ZC3H12D: variants seen among roughly 807,000 people sequenced by gnomAD.
ZC3H12D encodes zinc finger CCCH-type containing 12D, also known as probable ribonuclease ZC3H12D.
ZC3H12D carries 11 observed loss-of-function variants against 24.2 expected under a neutral mutation model. The ratio of observed to expected loss-of-function variants is 0.46; its 90% CI spans 0.29 to 0.75. The LOEUF (loss-of-function observed/expected upper bound fraction) is 0.75. ZC3H12D is among the 30% of genes least tolerant of loss of function. The probability of loss-of-function intolerance (pLI) is 0.11; values close to 1 mark genes in which losing one functional copy is unlikely to be tolerated. For synonymous variants in ZC3H12D, 333 were observed against 341.8 expected (o/e 0.97, Z 0.28); for missense variants, 740 against 767.7 (o/e 0.96, Z 0.43).
chr6:149,452,643 C>T lies in ZC3H12D; in HGVS notation c.760G>A (p.Glu254Lys). The change falls in exon 5 of 6, where the codon GAG (glutamate) becomes AAG (lysine). Residue 254 changes from glutamate to lysine, a missense_variant. Glu to Lys is a moderately conservative substitution (Grantham distance 56). Transcript: ENST00000409806. This position sits in a 1 kb window ranked among gnomAD's most constrained non-coding sequence, Gnocchi z 4.0. Reference sequence around the variant, plus strand: ...TAAGGACAATGCTGCCAGGATGGCTCTGGGGGCTTCGGCTTCCTGCTCAGG... The same window carrying T: ...TAAGGACAATGCTGCCAGGATGGCTTTGGGGGCTTCGGCTTCCTGCTCAGG... ...NFLSRKPKPPEPSWQHCPYGK... is the reference protein window; with the variant it reads ...NFLSRKPKPPKPSWQHCPYGK... 6.2e-7 allele frequency: 1 copy of T among 1,601,964 alleles called. No homozygotes were observed. Among genetic ancestry groups the T allele is most frequent in the Non-Finnish European group, 8.5e-7 (1 of 1,174,776 alleles).
chr6:149,474,698 G>A (rs1294937685), intron 1 of ZC3H12D, 85 bp from the exon 2 acceptor site: 8 of 605,682 alleles, frequency 1.3e-5, no homozygotes, highest in South Asian at 6.1e-5. Flanking sequence ...GCTCCCTCCC[G>A]GCCTAGCTGT....
chr6:149,457,845 A>G (rs1776008393), intron 3 of ZC3H12D, among the ~76,000 whole-genome samples: 1 of 152,150 alleles, frequency 6.6e-6, no homozygotes. Context: ...CCTTTCCCAT[A>G]TGACACTGTT....
chr6:149,466,234 C>G (rs1218278023), intron 2 of ZC3H12D, among the ~76,000 whole-genome samples: 2 of 151,900 alleles, frequency 1.3e-5, no homozygotes, highest in Non-Finnish European at 2.9e-5. Flanking sequence ...GCCCCAGACC[C>G]CTTTTCCGGC....
rs962126360 is a variant in ZC3H12D at position 149,456,413 on chromosome 6, C to T, written c.680+253G>A. ...TAGTGGTGCCCTAAACACATGCTTG[C>T]ATGCTTGGCCCACCTCTTGGGCTTC... is the stretch of plus-strand genomic sequence containing the variant. On this transcript the variant is annotated intron_variant, in intron 4 of 5. Coordinates refer to ENST00000409806, the MANE Select transcript of ZC3H12D (RefSeq NM_207360.3). The surrounding 1 kb of genome is among the most constrained non-coding windows in gnomAD (Gnocchi z 4.3). Among the ~76,000 whole-genome samples, 42 of 152,136 alleles carry T rather than the reference C, an allele frequency of 2.8e-4. No homozygotes were observed. Among genetic ancestry groups the T allele is most frequent in the South Asian group, 2.1e-4 (1 of 4,802 alleles).
At chr6:149,464,939 G>A (rs1167071592) in intron 2 of ZC3H12D, among the ~76,000 whole-genome samples, 1 of 152,206 alleles carries the variant, frequency 6.6e-6, no homozygotes, top group African/African-American at 2.4e-5. Flanking sequence ...GCCTTCTCCC[G>A]AGAAGCCTGG....
chr6:149,451,056 G>A lies in ZC3H12D; in HGVS notation c.1211C>T (p.Pro404Leu). The A allele has an allele frequency of 7.1e-7, 1 of 1,408,790 alleles. No individual in the cohort carries two copies. Among genetic ancestry groups the A allele is most frequent in the African/African-American group, 1.5e-5 (1 of 66,548 alleles). The allele number at this position is 1,408,790 out of a possible 1,614,324, so 87.3% of individuals were successfully genotyped here. Residue 404 changes from proline to leucine, a missense_variant, in exon 6 of 6, where the codon CCG becomes CTG. Pro to Leu is a moderately conservative substitution (Grantham distance 98, BLOSUM62 -3). Transcript: ENST00000409806. ...CTGGAGCTGCAGGCCGGGCGGAGGC[G>A]GGAGGTCGCCCGGGGAGAACTGGCT... ...PESQFSPGDLPPPPGLQLQPR... is the reference protein window; with the variant it reads ...PESQFSPGDLLPPPGLQLQPR...
chr6:149,474,758 T>C (rs1776305098), intron 1 of ZC3H12D, 145 bp from the exon 2 acceptor site: 2 of 428,208 alleles, frequency 4.7e-6, no homozygotes, highest in Admixed American at 3.9e-5. Context: ...AGTTGCTCAA[T>C]GTGGCTGTGG....
In ZC3H12D at chr6:149,474,564, G is replaced by A. The variant is rs534484672; in HGVS notation, c.-21C>T. 6.8e-7 allele frequency: 1 copy of A among 1,461,710 alleles called. No individual in the cohort carries two copies. 90.5% of individuals were successfully genotyped at this position (1,461,710 alleles called of 1,614,324 possible). ...TCCATGCTGTGCCCAGCGGCCACTG[G>A]CGCAGGTCCTGCCCCAGGCTTCCTC... On this transcript the variant is annotated 5_prime_UTR_variant, in exon 2 of 6. Coordinates refer to ENST00000409806, the MANE Select transcript of ZC3H12D (RefSeq NM_207360.3).
intron 3 of ZC3H12D, among the ~76,000 whole-genome samples, chr6:149,460,927 C>G (rs1214012128): frequency 3.3e-5 from 5 of 151,974 alleles, no homozygotes; most frequent in Non-Finnish European, 5.9e-5. Context: ...TCTCCTGAGC[C>G]AGGGGAGAGC....
At chr6:149,462,264 C>A (rs1776086101) in intron 2 of ZC3H12D, among the ~76,000 whole-genome samples, 1 of 152,156 alleles carries the variant, frequency 6.6e-6, no homozygotes, top group African/African-American at 2.4e-5. Context: ...ATCCCAGCTA[C>A]TCTGGAGGCT....
intron 1 of ZC3H12D, among the ~76,000 whole-genome samples, chr6:149,477,986 G>C (rs1022627096): frequency 1.3e-5 from 2 of 151,858 alleles, no homozygotes; most frequent in African/African-American, 4.8e-5. Context: ...GGCCAATATA[G>C]AGAAAACCCC....
chr6:149,470,072 T>C (rs1013616686), intron 2 of ZC3H12D, among the ~76,000 whole-genome samples: 1 of 152,016 alleles, frequency 6.6e-6, no homozygotes, highest in African/African-American at 2.4e-5. Context: ...ACGAGAAAAA[T>C]GTATTGACCA....
In ZC3H12D at chr6:149,451,369, C is replaced by T; in HGVS notation, c.898G>A (p.Gly300Ser). ...ELRAKTGARP[G>S]AGAEEQRPPR... ...GGCCGCTGCTCCTCGGCGCCCGCGCCAGGCCGGGCCCCTGTCTTGGCGCGG... is the reference window on the plus strand; with the variant it reads ...GGCCGCTGCTCCTCGGCGCCCGCGCTAGGCCGGGCCCCTGTCTTGGCGCGG... Residue 300 changes from glycine to serine, a missense_variant, in exon 6 of 6, where the codon GGC (glycine) becomes AGC (serine). Coordinates refer to ENST00000409806, the MANE Select transcript of ZC3H12D (RefSeq NM_207360.3). 2.6e-6 allele frequency: 4 copies of T among 1,531,036 alleles called. No individual in the cohort carries two copies. The highest frequency in any genetic ancestry group is 3.5e-6 in the Non-Finnish European group (4 of 1,152,116). The allele number at this position is 1,531,036 out of a possible 1,614,324, so 94.8% of individuals were successfully genotyped here.
At chr6:149,461,751 A>C in intron 3 of ZC3H12D, 80 bp downstream of exon 3, 4 of 1,401,456 alleles carry the variant, frequency 2.9e-6, no homozygotes, top group Non-Finnish European at 3.9e-6. Context: ...ACAACTAAGT[A>C]GATATTTGAC....
chr6:149,470,879 A>T (rs900332819), intron 2 of ZC3H12D, among the ~76,000 whole-genome samples: 1 of 152,254 alleles, frequency 6.6e-6, no homozygotes, highest in Non-Finnish European at 1.5e-5. Flanking sequence ...CTGTGGGGAC[A>T]GGGCAGGGGT....
In ZC3H12D at chr6:149,481,690, AT is replaced by A. The variant is rs979938224; in HGVS notation, c.-71+3122del. 4.0e-4 allele frequency among the ~76,000 whole-genome samples: 59 copies of A among 148,912 alleles called. 2 individuals are homozygous for A. The highest frequency in any genetic ancestry group is 1.3e-3 in the African/African-American group (54 of 40,712). Reference sequence around the variant, plus strand: ...CTCCCGGCCATGGCTCAGCCTTTGTATCCAAGGCCTTCCCGTTACACCTGGT... The same window carrying A: ...CTCCCGGCCATGGCTCAGCCTTTGTACCAAGGCCTTCCCGTTACACCTGGT... On this transcript the variant is annotated intron_variant, in intron 1 of 5. Transcript: ENST00000409806.
At chr6:149,461,994 C>A in intron 2 of ZC3H12D, 24 bp from the exon 3 acceptor site, 2 of 1,601,336 alleles carry the variant, frequency 1.2e-6, no homozygotes, top group South Asian at 2.3e-5. Flanking sequence ...ACAAAGAAAT[C>A]ATAGAGACAC....
intron 2 of ZC3H12D, among the ~76,000 whole-genome samples, chr6:149,472,160 C>T (rs1418749947): frequency 1.3e-5 from 2 of 152,188 alleles, no homozygotes; most frequent in African/African-American, 4.8e-5. Flanking sequence ...CATTGGAGGA[C>T]ACAACAGATG....
intron 1 of ZC3H12D, among the ~76,000 whole-genome samples, chr6:149,481,997 G>A (rs1484585749): frequency 6.6e-6 from 1 of 152,232 alleles, no homozygotes; most frequent in Non-Finnish European, 1.5e-5. Flanking sequence ...GAAAACACTG[G>A]GGGCTTTCGC....
Sources: gnomAD v4.1 joint callset for allele counts (sites outside exome capture counted in the v4.1 genomes callset) on GRCh38, gnomAD v4.1.1 for gene constraint, Gnocchi (gnomAD v3.1) non-coding constraint, MANE v1.5 for transcripts, NCBI Gene and HGNC (gene_info 2026-07-23, HGNC 2026-07-21) for gene names.